The following LALBA variants were observed in gnomAD, a reference collection of about 807,000 sequenced individuals.
LALBA encodes the protein alpha-lactalbumin.
LALBA carries 12 observed loss-of-function variants against 13.4 expected under a neutral mutation model. The observed-to-expected ratio is 0.89, with a 90% CI of 0.57 to 1.45. The LOEUF is 1.45. Among genes scored for constraint, LALBA ranks in the 40% most tolerant of loss-of-function variants. The probability of loss-of-function intolerance (pLI) is 0.00; values close to 1 mark genes in which losing one functional copy is unlikely to be tolerated. For synonymous variants in LALBA, 64 were observed against 61.0 expected (o/e 1.05, Z -0.23); for missense variants, 145 against 165.9 (o/e 0.87, Z 0.69).
rs573127532 is a variant in LALBA, at chr12:48,569,435, C to T, written c.134-195G>A. Reference sequence around the variant, plus strand: ...GAAAGGATAGGAAAATAAATGGGGCCAGGCATGATGGCTCACGCTTGTAAT... The same window carrying T: ...GAAAGGATAGGAAAATAAATGGGGCTAGGCATGATGGCTCACGCTTGTAAT... On this transcript the variant is annotated intron_variant, in intron 1 of 3. Transcript: ENST00000301046. 1.0e-3 allele frequency among the ~76,000 whole-genome samples: 158 copies of T among 152,232 alleles called. 1 individual carries two copies. Among genetic ancestry groups the T allele is most frequent in the African/African-American group, 3.7e-3 (155 of 41,544 alleles).
chr12:48,569,010 G>T lies in LALBA; in HGVS notation c.292+72C>A, dbSNP rs535597036. On this transcript the variant is annotated intron_variant, in intron 2 of 3. Coordinates refer to ENST00000301046, the MANE Select transcript of LALBA (RefSeq NM_002289.3). ...GGCAATGAAGCCTGAGGTCTGCTTGGCACTAAAAAGGAGATTATCCCAAGG... is the reference window on the plus strand; with the variant it reads ...GGCAATGAAGCCTGAGGTCTGCTTGTCACTAAAAAGGAGATTATCCCAAGG... 1.3e-3 allele frequency: 1,743 copies of T among 1,320,532 alleles called. 3 individuals are homozygous for T. Among genetic ancestry groups the T allele is most frequent in the Non-Finnish European group, 1.7e-3 (1,619 of 957,870 alleles). 81.8% of individuals were successfully genotyped at this position (1,320,532 alleles called of 1,614,324 possible).
chr12:48,569,724 A>G (rs1304461782), intron 1 of LALBA, among the ~76,000 whole-genome samples, 164 bp downstream of exon 1: 1 of 152,202 alleles, frequency 6.6e-6, no homozygotes, highest in Non-Finnish European at 1.5e-5. Flanking sequence ...AAAAATAAAT[A>G]AATACATACA....
Position 48,567,767 on chromosome 12 carries a change from T to A in LALBA, c.*190A>T, listed in dbSNP as rs151045624. The A allele has an allele frequency of 1.0e-5, 6 of 585,278 alleles. No homozygotes were observed. The highest frequency in any genetic ancestry group is 9.3e-5 in the African/African-American group (5 of 53,554). 36.3% of individuals were successfully genotyped at this position (585,278 alleles called of 1,614,324 possible). Reference sequence around the variant, plus strand: ...TGCCATCGAAGGCACTGAGTAAGGGTCTAGAGCTCAGTGCACCACTCAGGC... The same window carrying A: ...TGCCATCGAAGGCACTGAGTAAGGGACTAGAGCTCAGTGCACCACTCAGGC... On this transcript the variant is annotated 3_prime_UTR_variant, in exon 4 of 4. Coordinates refer to ENST00000301046, the MANE Select transcript of LALBA (RefSeq NM_002289.3).
chr12:48,570,365 G>A (rs1013183089), upstream of LALBA, among the ~76,000 whole-genome samples: 1 of 152,156 alleles, frequency 6.6e-6, no homozygotes, highest in Non-Finnish European at 1.5e-5. Context: ...GAACAAAGAA[G>A]GGCATGGGGG....
upstream of LALBA, among the ~76,000 whole-genome samples, chr12:48,571,670 C>G (rs922750197): frequency 6.6e-5 from 10 of 152,228 alleles, no homozygotes; most frequent in African/African-American, 2.4e-4. Flanking sequence ...GGATTACAGA[C>G]AGGAGCCGCT....
upstream of LALBA, among the ~76,000 whole-genome samples, chr12:48,570,982 A>T (rs1415337331): frequency 2.9e-5 from 2 of 67,926 alleles, no homozygotes; most frequent in Non-Finnish European, 3.0e-5. Flanking sequence ...CCCTATCTTT[A>T]AAAAAAAAAA....
At chr12:48,568,270 C>T in intron 3 of LALBA, 3 of 603,266 alleles carry the variant, frequency 5.0e-6, no homozygotes, top group Non-Finnish European at 8.8e-6. Flanking sequence ...AATTAGATGT[C>T]CAAGTCTAAG....
chr12:48,569,281 G>A (rs2137134124), intron 1 of LALBA, 41 bp from the exon 2 acceptor site: 1 of 1,532,318 alleles, frequency 6.5e-7, no homozygotes, highest in Non-Finnish European at 8.9e-7. Flanking sequence ...GAGATGTACA[G>A]GATCTGCATA....
chr12:48,569,781 G>A (rs1251081930), intron 1 of LALBA, 107 bp downstream of exon 1: 2 of 974,198 alleles, frequency 2.1e-6, no homozygotes, highest in East Asian at 2.6e-5. Flanking sequence ...GCAGAAAAGA[G>A]GATGATTAGA....
At chr12:48,569,355 C>A in intron 1 of LALBA, 115 bp from the exon 2 acceptor site, 2 of 873,338 alleles carry the variant, frequency 2.3e-6, no homozygotes, top group African/African-American at 1.7e-5. Context: ...TGGCAAAGCT[C>A]AGAGTTTCTT....
intron 3 of LALBA, 128 bp from the exon 4 acceptor site, chr12:48,568,145 C>T: frequency 2.7e-6 from 2 of 741,412 alleles, no homozygotes; most frequent in East Asian, 2.7e-5. Flanking sequence ...TGTCAAGCGA[C>T]ACAAGCCATC....
At chr12:48,570,081 T>G (rs542935651), upstream of LALBA, 5 of 1,592,870 alleles carry the variant, frequency 3.1e-6, no homozygotes, top group East Asian at 1.1e-4. Flanking sequence ...TTTATATTCA[T>G]GCAGAAAGCC....
At chr12:48,568,094 A>C in intron 3 of LALBA, 77 bp from the exon 4 acceptor site, 1 of 1,145,542 alleles carries the variant, frequency 8.7e-7, no homozygotes. Context: ...CTGAAGTGGA[A>C]GAGCGTGGAC....
chr12:48,568,265 G>A, intron 3 of LALBA: 1 of 603,574 alleles, frequency 1.7e-6, no homozygotes, highest in Non-Finnish European at 2.9e-6. Context: ...AGTGGAATTA[G>A]ATGTCCAAGT....
chr12:48,570,570 C>T (rs1030882232), upstream of LALBA, among the ~76,000 whole-genome samples: 2 of 152,094 alleles, frequency 1.3e-5, no homozygotes, highest in Non-Finnish European at 2.9e-5. Context: ...AATATGGTAG[C>T]TCATGACTGA....
chr12:48,569,034 G>A (rs1309158354), intron 2 of LALBA, 48 bp downstream of exon 2: 4 of 1,505,210 alleles, frequency 2.7e-6, no homozygotes, highest in South Asian at 1.3e-5. Flanking sequence ...ATTATCCCAA[G>A]GGCAGGCCTC....
rs763593490 is a variant in LALBA at position 48,569,913 on chromosome 12, A to G, written c.108T>C (p.Gly36=). The G allele has an allele frequency of 9.3e-6, 15 of 1,614,068 alleles. No homozygotes were observed. The South Asian group carries it at 1.6e-4, about 18-fold the overall frequency. ...ATTCAGGCAAAGCGATGCCTCCATA[A>G]CCATCTATGTCTTTCAGCAGCTGGG... ...ELSQLLKDID[G]YGGIALPELI... Residue 36 remains glycine, a synonymous_variant, in exon 1 of 4, where the codon GGT becomes GGC. Transcript: ENST00000301046.
intron 3 of LALBA, 86 bp downstream of exon 3, chr12:48,568,431 A>C: frequency 7.5e-6 from 6 of 798,550 alleles, no homozygotes; most frequent in Non-Finnish European, 1.1e-5. Context: ...TAAATGACCA[A>C]GAGATAGGGT....
Position 48,567,814 on chromosome 12 carries a change from A to C in LALBA, c.*143T>G. The C allele has an allele frequency of 4.2e-6, 3 of 709,048 alleles. No homozygotes were observed. Among genetic ancestry groups the C allele is most frequent in the Non-Finnish European group, 7.4e-6 (3 of 407,972 alleles). 43.9% of individuals were successfully genotyped at this position (709,048 alleles called of 1,614,324 possible). On this transcript the variant is annotated 3_prime_UTR_variant, in exon 4 of 4. Transcript: ENST00000301046. The stretch of plus-strand genomic sequence containing the variant: ...AGGCATCCCTGGAAAATAGTCTTCA[A>C]GAATTCGGTGATGTCACTACAGGGC...
Sources: gnomAD v4.1 joint callset for allele counts (sites outside exome capture counted in the v4.1 genomes callset) on GRCh38, gnomAD v4.1.1 for gene constraint, MANE v1.5 for transcripts, NCBI Gene and HGNC (gene_info 2026-07-23, HGNC 2026-07-21) for gene names.